Variants in CNTNAP5 observed in about 807,000 individuals in gnomAD.
CNTNAP5 encodes the protein contactin-associated protein-like 5.
A neutral mutation model predicts 150.2 loss-of-function variants in CNTNAP5; 72 were observed. That is an observed-to-expected ratio of 0.48 (90% CI 0.40 to 0.58). The LOEUF (loss-of-function observed/expected upper bound fraction) is 0.58. Ranked by LOEUF, CNTNAP5 falls within the 20% of genes least tolerant of loss-of-function variation. The pLI, the probability that CNTNAP5 is intolerant of heterozygous loss-of-function variation, is 0.00. For missense variants in CNTNAP5, 1,636 were observed against 1,626.2 expected, an observed-to-expected ratio of 1.01 and a Z score of -0.10; for synonymous variants, 672 against 619.8, an observed-to-expected ratio of 1.08 and a Z score of -1.25.
intron 1 of CNTNAP5, among the ~76,000 whole-genome samples, chr2:124,210,606 T>C (rs1685979514): frequency 6.6e-6 from 1 of 152,144 alleles, no homozygotes; most frequent in Non-Finnish European, 1.5e-5. Flanking sequence ...TAGCACAGTC[T>C]CTTACCCTCA....
chr2:124,181,177 C>T (rs1442621238), intron 1 of CNTNAP5, among the ~76,000 whole-genome samples: 3 of 151,916 alleles, frequency 2.0e-5, no homozygotes, highest in African/African-American at 2.4e-5. Context: ...AGTTATATTG[C>T]ATATTTTATA....
intron 11 of CNTNAP5, among the ~76,000 whole-genome samples, chr2:124,597,331 A>G (rs990336713): frequency 6.7e-6 from 1 of 150,358 alleles, no homozygotes. Flanking sequence ...CTTTTAGGGC[A>G]GGCCTGGTGG....
intron 7 of CNTNAP5, among the ~76,000 whole-genome samples, chr2:124,502,538 G>A (rs1026369498): frequency 6.6e-6 from 1 of 152,180 alleles, no homozygotes; most frequent in African/African-American, 2.4e-5. Context: ...ATGCAGCTGT[G>A]TTCTGGCAGA....
At chr2:124,545,427 T>G (rs1695489316) in intron 10 of CNTNAP5, among the ~76,000 whole-genome samples, 1 of 152,118 alleles carries the variant, frequency 6.6e-6, no homozygotes, top group South Asian at 2.1e-4. Flanking sequence ...TCAAGCTTAA[T>G]TCACAGCCCT....
chr2:124,814,112 CTT>C (rs1025697895), intron 19 of CNTNAP5, among the ~76,000 whole-genome samples: 2 of 147,664 alleles, frequency 1.4e-5, no homozygotes, highest in African/African-American at 5.0e-5. Flanking sequence ...CTGAAGTTTC[CTT>C]TTTTTTTTAT....
intron 3 of CNTNAP5, among the ~76,000 whole-genome samples, chr2:124,394,517 A>T (rs756321896): frequency 3.5e-4 from 54 of 152,206 alleles, no homozygotes; most frequent in Non-Finnish European, 6.8e-4. Flanking sequence ...TTTCTGACAG[A>T]GAATGGCTTA....
chr2:124,467,821 T>A (rs1185405825), intron 6 of CNTNAP5, among the ~76,000 whole-genome samples: 1 of 152,196 alleles, frequency 6.6e-6, no homozygotes, highest in African/African-American at 2.4e-5. Context: ...GTTTTGCTTC[T>A]TTTCCCTAAC....
intron 3 of CNTNAP5, among the ~76,000 whole-genome samples, chr2:124,304,355 A>G (rs1472423339): frequency 6.6e-6 from 1 of 152,148 alleles, no homozygotes; most frequent in Non-Finnish European, 1.5e-5. Context: ...GATATGAAAT[A>G]TGAGAGGGGA....
At chr2:124,760,471 C>T (rs138860721) in intron 14 of CNTNAP5, among the ~76,000 whole-genome samples, 2,023 of 152,142 alleles carry the variant, frequency 0.013, 15 homozygotes, top group Middle Eastern at 0.058. Flanking sequence ...GCCCCCACCA[C>T]TCTGCCACTC....
chr2:124,904,817 AAT>A (rs750681732), intron 22 of CNTNAP5, among the ~76,000 whole-genome samples: 1 of 151,618 alleles, frequency 6.6e-6, no homozygotes, highest in Non-Finnish European at 1.5e-5. Context: ...TGGTCTTGAA[AAT>A]ATATATATAT....
At chr2:124,044,514 C>G (rs1021890021) in intron 1 of CNTNAP5, among the ~76,000 whole-genome samples, 2 of 152,268 alleles carry the variant, frequency 1.3e-5, no homozygotes, top group Middle Eastern at 3.4e-3. Context: ...AAACCAGGAA[C>G]TGGTCTTAGA....
chr2:124,836,571 C>A (rs1682833977), intron 19 of CNTNAP5, among the ~76,000 whole-genome samples: 1 of 152,060 alleles, frequency 6.6e-6, no homozygotes, highest in Non-Finnish European at 1.5e-5. Flanking sequence ...CCTGCCCGTC[C>A]TCAAGAAAGC....
chr2:124,911,351 T>A, intron 22 of CNTNAP5, 116 bp from the exon 23 acceptor site: 2 of 724,090 alleles, frequency 2.8e-6, no homozygotes, highest in Non-Finnish European at 4.9e-6. Context: ...AACTCACAAC[T>A]ATTTGAGGGC....
intron 13 of CNTNAP5, among the ~76,000 whole-genome samples, chr2:124,724,587 C>T (rs1023252265): frequency 6.6e-6 from 1 of 152,066 alleles, no homozygotes; most frequent in Non-Finnish European, 1.5e-5. Context: ...TCTGAAGACA[C>T]AGTTGAGTCC....
intron 1 of CNTNAP5, among the ~76,000 whole-genome samples, chr2:124,161,706 T>C (rs76216792): frequency 5.9e-5 from 9 of 151,902 alleles, no homozygotes; most frequent in Non-Finnish European, 2.9e-5. Context: ...CAAATGCAGA[T>C]CAAAAAAAAG....
chr2:124,737,199 G>A (rs1057359925), intron 13 of CNTNAP5, among the ~76,000 whole-genome samples: 1 of 151,630 alleles, frequency 6.6e-6, no homozygotes, highest in Non-Finnish European at 1.5e-5. Context: ...GCTGAGGCAG[G>A]AGAATTGCTT....
intron 5 of CNTNAP5, among the ~76,000 whole-genome samples, chr2:124,438,696 A>G (rs1692598566): frequency 6.6e-6 from 1 of 152,114 alleles, no homozygotes. Flanking sequence ...CTCTTTTGAA[A>G]CTCAGGCATT....
chr2:124,549,223 G>A (rs756832509), intron 10 of CNTNAP5, among the ~76,000 whole-genome samples: 9 of 152,140 alleles, frequency 5.9e-5, no homozygotes, highest in Admixed American at 2.6e-4. Flanking sequence ...TAGAGACCAC[G>A]GCAGCCACTA....
At chr2:124,564,209 A>T (rs572113605) in intron 11 of CNTNAP5, among the ~76,000 whole-genome samples, 1 of 152,310 alleles carries the variant, frequency 6.6e-6, no homozygotes, top group African/African-American at 2.4e-5. Flanking sequence ...ATTTTCAAAT[A>T]GTTTCAGATG....
Sources: gnomAD v4.1 joint callset for allele counts (sites outside exome capture counted in the v4.1 genomes callset) on GRCh38, gnomAD v4.1.1 for gene constraint, MANE v1.5 for transcripts, NCBI Gene and HGNC (gene_info 2026-07-23, HGNC 2026-07-21) for gene names.